ROBO2: variants seen among roughly 807,000 people sequenced by gnomAD.
ROBO2 encodes roundabout homolog 2.
In ROBO2, 53 loss-of-function variants were observed where a neutral mutation model predicts 160.8. The observed-to-expected ratio is 0.33, with a 90% CI of 0.26 to 0.41. The LOEUF is 0.41. Ranked by LOEUF, ROBO2 falls within the 10% of genes least tolerant of loss-of-function variation. The pLI is 1.00. For synonymous variants in ROBO2, 664 were observed against 611.7 expected, an observed-to-expected ratio of 1.09 and a Z score of -1.26; for missense variants, 1,577 against 1,722.4, an observed-to-expected ratio of 0.92 and a Z score of 1.49.
chr3:76,365,574 T>C (rs1182248978), intron 2 of ROBO2, among the ~76,000 whole-genome samples: 1 of 152,022 alleles, frequency 6.6e-6, no homozygotes, highest in Admixed American at 6.6e-5. Context: ...GAAATAAAAG[T>C]GATGCTAATG....
chr3:77,619,729 T>C (rs994429962), intron 22 of ROBO2, among the ~76,000 whole-genome samples: 53 of 152,292 alleles, frequency 3.5e-4, no homozygotes, highest in African/African-American at 1.3e-3. Flanking sequence ...ATTGCGATGC[T>C]TTTTGGAGTA....
intron 5 of ROBO2, among the ~76,000 whole-genome samples, chr3:77,516,515 C>T (rs948288469): frequency 6.6e-6 from 1 of 151,496 alleles, no homozygotes; most frequent in Admixed American, 6.6e-5. Context: ...TCAGTCTTCA[C>T]ATTTGTTTTA....
At chr3:76,302,980 A>G (rs2071147047) in intron 2 of ROBO2, among the ~76,000 whole-genome samples, 1 of 152,162 alleles carries the variant, frequency 6.6e-6, no homozygotes, top group South Asian at 2.1e-4. Flanking sequence ...AATTTTAAAA[A>G]TAAACATCCT....
intron 2 of ROBO2, among the ~76,000 whole-genome samples, chr3:76,492,097 A>G (rs1263369703): frequency 6.6e-6 from 1 of 152,120 alleles, no homozygotes; most frequent in Non-Finnish European, 1.5e-5. Flanking sequence ...AGCCTGGGCG[A>G]CAGAGCAAGA....
At chr3:76,984,116 G>A (rs1327171298) in intron 2 of ROBO2, among the ~76,000 whole-genome samples, 2 of 152,066 alleles carry the variant, frequency 1.3e-5, no homozygotes, top group Middle Eastern at 3.2e-3. Flanking sequence ...ACCGCCCCCC[G>A]GGATCCAGTT....
At chr3:76,241,486 G>C (rs1705283456) in intron 2 of ROBO2, among the ~76,000 whole-genome samples, 1 of 152,156 alleles carries the variant, frequency 6.6e-6, no homozygotes, top group South Asian at 2.1e-4. Context: ...TTATATACTT[G>C]TATGTTTGAA....
At chr3:76,561,600 A>T (rs1316280035) in intron 2 of ROBO2, among the ~76,000 whole-genome samples, 1 of 152,200 alleles carries the variant, frequency 6.6e-6, no homozygotes, top group African/African-American at 2.4e-5. Context: ...CAAAGATAGA[A>T]CAAGGAAGCA....
At chr3:76,393,714 G>C (rs2077273415) in intron 2 of ROBO2, among the ~76,000 whole-genome samples, 1 of 152,128 alleles carries the variant, frequency 6.6e-6, no homozygotes, top group Non-Finnish European at 1.5e-5. Flanking sequence ...GTGAAGCTGG[G>C]AGTGAAGTGG....
intron 2 of ROBO2, among the ~76,000 whole-genome samples, chr3:75,977,247 C>T (rs538101364): frequency 4.6e-5 from 7 of 151,496 alleles, no homozygotes; most frequent in African/African-American, 7.2e-5. Flanking sequence ...GGTTCTGATA[C>T]GACTAGAGCA....
At chr3:77,092,603 T>G (rs200327512) in intron 1 of ROBO2, among the ~76,000 whole-genome samples, 1 of 75,820 alleles carries the variant, frequency 1.3e-5, no homozygotes, top group Non-Finnish European at 2.5e-5. Flanking sequence ...AATATATATT[T>G]TAATATATAT....
At chr3:77,395,288 T>A (rs762495303) in intron 2 of ROBO2, among the ~76,000 whole-genome samples, 5 of 152,146 alleles carry the variant, frequency 3.3e-5, no homozygotes, top group Non-Finnish European at 7.4e-5. Flanking sequence ...ACAAAAATAA[T>A]GTTGAATAAC....
At chr3:76,366,963 A>G (rs138316688) in intron 2 of ROBO2, among the ~76,000 whole-genome samples, 2,239 of 152,088 alleles carry the variant, frequency 0.015, 23 homozygotes, top group Non-Finnish European at 0.023. Context: ...AAATAATAGC[A>G]TTGCCCATAA....
In ROBO2 at chr3:76,919,972, T is replaced by C. The variant is rs558660594; in HGVS notation, c.110-178042T>C. On this transcript the variant is annotated intron_variant, in intron 2 of 26. Coordinates refer to the ROBO2 transcript ENST00000487694. The stretch of plus-strand genomic sequence containing the variant: ...CACCTATTTACTTCACTCAAAGAAA[T>C]TGGACGTAATAGATTTTTATCAAGG... 1.3e-4 allele frequency among the ~76,000 whole-genome samples: 20 copies of C among 152,306 alleles called. No individual in the cohort carries two copies. The South Asian group carries it at 3.3e-3, about 25-fold the overall frequency.
Position 76,782,276 on chromosome 3 carries a change from C to A in ROBO2, c.110-315738C>A, listed in dbSNP as rs139134069. On this transcript the variant is annotated intron_variant, in intron 2 of 26. Transcript: ENST00000487694. ...GCTTGATATTTTAATCTTTCGAAAT[C>A]AGTTAAGACTTCTTTTGTGACCTAT... is the stretch of plus-strand genomic sequence containing the variant. 7.5e-4 allele frequency among the ~76,000 whole-genome samples: 113 copies of A among 150,768 alleles called. 2 individuals are homozygous for A. In the East Asian group the frequency reaches 0.02, roughly 27 times the overall value.
At chr3:75,932,131 C>T (rs1947571861) in intron 1 of ROBO2, among the ~76,000 whole-genome samples, 1 of 152,064 alleles carries the variant, frequency 6.6e-6, no homozygotes, top group South Asian at 2.1e-4. Context: ...AGTGGTTTTA[C>T]TCACTTCAAG....
At chr3:76,439,423 A>G (rs961529998) in intron 2 of ROBO2, among the ~76,000 whole-genome samples, 1 of 151,532 alleles carries the variant, frequency 6.6e-6, no homozygotes, top group African/African-American at 2.4e-5. Flanking sequence ...TGAAGGTTAC[A>G]AAGAAGAAGC....
chr3:77,323,091 G>T lies in ROBO2; in HGVS notation c.389-154323G>T, dbSNP rs549517565. ...TATTATGGATAATATAATATATTAT[G>T]TATGTTAATACTATGTAACATATAT... On this transcript the variant is annotated intron_variant, in intron 2 of 25. Transcript: ENST00000461745. Among the ~76,000 whole-genome samples the T allele has an allele frequency of 6.4e-3, 222 of 34,490 alleles. 1 individual carries two copies. Among genetic ancestry groups the T allele is most frequent in the Non-Finnish European group, 0.014 (143 of 10,468 alleles). 22.6% of individuals were successfully genotyped at this position (34,490 alleles called of 152,430 possible).
intron 2 of ROBO2, among the ~76,000 whole-genome samples, chr3:77,375,379 C>T (rs1441580536): frequency 6.6e-6 from 1 of 152,182 alleles, no homozygotes; most frequent in Non-Finnish European, 1.5e-5. Context: ...AAAGACAGAA[C>T]ATTAAACAGG....
chr3:77,262,428 A>G (rs1193944687), intron 2 of ROBO2, among the ~76,000 whole-genome samples: 2 of 152,198 alleles, frequency 1.3e-5, no homozygotes, highest in East Asian at 3.9e-4. Context: ...AGTACTCACA[A>G]ATGAGTACTT....
Sources: allele counts gnomAD v4.1 joint callset (sites outside exome capture counted in the v4.1 genomes callset), GRCh38; gene constraint gnomAD v4.1.1; transcripts MANE v1.5; gene names NCBI Gene and HGNC (gene_info 2026-07-23, HGNC 2026-07-21).